Variants in STPG4 observed in about 807,000 individuals in gnomAD.
STPG4 encodes the protein protein STPG4.
In STPG4, 41 loss-of-function variants were observed where a neutral mutation model predicts 31.5. That is an observed-to-expected ratio of 1.30 (90% CI 1.01 to 1.69). The LOEUF is 1.69. STPG4 is among the 40% of genes most tolerant of loss of function. STPG4 has a pLI of 0.00. For missense variants in STPG4, 375 were observed against 293.4 expected (o/e 1.28, Z -2.03); for synonymous variants, 141 against 103.0 (o/e 1.37, Z -2.24).
intron 5 of STPG4, among the ~76,000 whole-genome samples, chr2:47,117,233 G>T (rs1296494022): frequency 6.6e-6 from 1 of 152,100 alleles, no homozygotes; most frequent in Non-Finnish European, 1.5e-5. Context: ...TTTTGAGAAG[G>T]ACTTTCGCTC....
chr2:47,090,004 G>A (rs1438677663), intron 6 of STPG4, among the ~76,000 whole-genome samples: 2 of 152,192 alleles, frequency 1.3e-5, no homozygotes, highest in Non-Finnish European at 2.9e-5. Context: ...TGATTAATGT[G>A]CTGCTTCCAA....
chr2:47,127,684 A>T (rs1447461968), intron 5 of STPG4, among the ~76,000 whole-genome samples: 6 of 152,064 alleles, frequency 3.9e-5, no homozygotes, highest in African/African-American at 1.4e-4. Context: ...GATTTTTTAA[A>T]ATTATTTTGA....
At chr2:47,097,795 A>G (rs72877039) in intron 5 of STPG4, among the ~76,000 whole-genome samples, 1,743 of 152,212 alleles carry the variant, frequency 0.011, 38 homozygotes, top group African/African-American at 0.04. Flanking sequence ...GTGTGTATTC[A>G]CAGATGTCTG....
intron 5 of STPG4, among the ~76,000 whole-genome samples, chr2:47,119,320 C>G (rs1254612518): frequency 6.6e-6 from 1 of 152,140 alleles, no homozygotes; most frequent in East Asian, 1.9e-4. Flanking sequence ...CAGTGAATCA[C>G]TTTTATTTAT....
At chr2:47,120,655 C>T (rs1176069141) in intron 5 of STPG4, among the ~76,000 whole-genome samples, 1 of 151,950 alleles carries the variant, frequency 6.6e-6, no homozygotes, top group Non-Finnish European at 1.5e-5. Context: ...GGTGGGGGTC[C>T]GGGTTTCAGT....
At chr2:47,107,331 G>A (rs948233818) in intron 5 of STPG4, among the ~76,000 whole-genome samples, 7 of 152,286 alleles carry the variant, frequency 4.6e-5, no homozygotes, top group Admixed American at 4.6e-4. Flanking sequence ...CGGGCCAGCT[G>A]GAGTTCCGGG....
rs923156540 is a variant in STPG4 at position 47,150,502 on chromosome 2, C to CT, written c.399+755dup. ...CTGGGACCACATGCTCACTTCTTTT[C>CT]TTTTTTTTTTTAATTAAAAAAAATA... On this transcript the variant is annotated intron_variant, in intron 3 of 6. Coordinates refer to ENST00000445927, the MANE Select transcript of STPG4 (RefSeq NM_001163561.2). Among the ~76,000 whole-genome samples the CT allele has an allele frequency of 2.3e-3, 339 of 145,532 alleles. 1 individual carries two copies. Among genetic ancestry groups the CT allele is most frequent in the African/African-American group, 7.6e-3 (301 of 39,746 alleles).
At chr2:47,114,622 T>A (rs1686108260) in intron 5 of STPG4, among the ~76,000 whole-genome samples, 1 of 152,216 alleles carries the variant, frequency 6.6e-6, no homozygotes, top group Admixed American at 6.5e-5. Context: ...GTGTATGTAA[T>A]CAAAAGTTAT....
At chr2:47,138,418 G>A (rs1686641378) in intron 3 of STPG4, among the ~76,000 whole-genome samples, 1 of 149,420 alleles carries the variant, frequency 6.7e-6, no homozygotes, top group Non-Finnish European at 1.5e-5. Context: ...TGGAGATGGA[G>A]TCTTACTCTG....
At chr2:47,138,158 T>G (rs1686634861) in intron 3 of STPG4, among the ~76,000 whole-genome samples, 1 of 152,210 alleles carries the variant, frequency 6.6e-6, no homozygotes, top group South Asian at 2.1e-4. Flanking sequence ...TCCCACAAAT[T>G]TTGTTAAATT....
chr2:47,153,117 C>A, intron 1 of STPG4, 101 bp from the exon 2 acceptor site: 1 of 731,242 alleles, frequency 1.4e-6, no homozygotes, highest in South Asian at 2.0e-5. Flanking sequence ...ACACCCATAC[C>A]CAACTGATAT....
chr2:47,095,280 G>C (rs551045164), intron 5 of STPG4, among the ~76,000 whole-genome samples: 8 of 152,156 alleles, frequency 5.3e-5, no homozygotes, highest in Non-Finnish European at 7.3e-5. Context: ...GTGGGGCCTC[G>C]TCCAACATGG....
chr2:47,088,999 C>T (rs2103719534), intron 6 of STPG4, among the ~76,000 whole-genome samples: 1 of 152,282 alleles, frequency 6.6e-6, no homozygotes, highest in Non-Finnish European at 1.5e-5. Flanking sequence ...AAGCTCAGTT[C>T]CCCTCCCCTG....
At chr2:47,150,507 T>C (rs1686913109) in intron 3 of STPG4, among the ~76,000 whole-genome samples, 1 of 152,006 alleles carries the variant, frequency 6.6e-6, no homozygotes, top group South Asian at 2.1e-4. Context: ...CTTTTCTTTT[T>C]TTTTTTAATT....
intron 3 of STPG4, among the ~76,000 whole-genome samples, chr2:47,135,997 CTGTT>C (rs1686587713): frequency 6.6e-6 from 1 of 152,212 alleles, no homozygotes; most frequent in Admixed American, 6.5e-5. Flanking sequence ...ATACTTTAGA[CTGTT>C]TGTTGATAGC....
chr2:47,111,964 G>T (rs999538730), intron 5 of STPG4, among the ~76,000 whole-genome samples: 1 of 152,144 alleles, frequency 6.6e-6, no homozygotes, highest in Admixed American at 6.5e-5. Flanking sequence ...CACAAAGAAG[G>T]CTGCATGTTT....
chr2:47,105,865 T>C (rs1160584149), intron 5 of STPG4, among the ~76,000 whole-genome samples: 1 of 151,664 alleles, frequency 6.6e-6, no homozygotes, highest in African/African-American at 2.4e-5. Context: ...AGAGAAGGAG[T>C]TCCTAATCTC....
intron 3 of STPG4, among the ~76,000 whole-genome samples, chr2:47,143,211 G>A (rs1292550951): frequency 6.6e-6 from 1 of 152,138 alleles, no homozygotes; most frequent in African/African-American, 2.4e-5. Context: ...TTAAGGCTAT[G>A]TGCATTTAGA....
chr2:47,130,050 C>T, intron 4 of STPG4, 55 bp from the exon 5 acceptor site: 2 of 1,476,868 alleles, frequency 1.4e-6, no homozygotes, highest in Non-Finnish European at 9.3e-7. Flanking sequence ...TTTTAAAGAT[C>T]TTTGTTAACT....
Sources: allele counts gnomAD v4.1 joint callset (sites outside exome capture counted in the v4.1 genomes callset), GRCh38; gene constraint gnomAD v4.1.1; transcripts MANE v1.5; gene names NCBI Gene and HGNC (gene_info 2026-07-23, HGNC 2026-07-21).